Variants in NEDD4L observed in about 807,000 individuals in gnomAD.
The protein encoded by NEDD4L is NEDD4 like E3 ubiquitin protein ligase, also known as E3 ubiquitin-protein ligase NEDD4-like.
NEDD4L carries 54 observed loss-of-function variants against 148.9 expected under a neutral mutation model. The ratio of observed to expected loss-of-function variants is 0.36; its 90% confidence interval spans 0.29 to 0.45. NEDD4L has a LOEUF of 0.45. Ranked by LOEUF, NEDD4L falls within the 20% of genes least tolerant of loss-of-function variation. The probability of loss-of-function intolerance (pLI) is 1.00; values close to 1 mark genes in which losing one functional copy is unlikely to be tolerated. For synonymous variants in NEDD4L, 433 were observed against 440.7 expected, an observed-to-expected ratio of 0.98 and a Z score of 0.22; for missense variants, 856 against 1,233.8, an observed-to-expected ratio of 0.69 and a Z score of 4.59.
rs2050767604 is a variant in NEDD4L at position 58,400,264 on chromosome 18, G to T, written c.*3995G>T. 1 of 152,190 alleles carries T rather than the reference G, an allele frequency of 6.6e-6. No individual in the cohort carries two copies. The highest frequency in any genetic ancestry group is 1.5e-5 in the Non-Finnish European group (1 of 68,052). The allele number at this position is 152,190 out of a possible 1,614,324, so 9.4% of individuals were successfully genotyped here. A position where few individuals can be genotyped will look rare whatever the true frequency, so the allele number is the denominator to read the frequency against. On this transcript the variant is annotated 3_prime_UTR_variant, in exon 31 of 31. Coordinates refer to ENST00000400345, the MANE Select transcript of NEDD4L (RefSeq NM_001144967.3). ...CTACCTCTGTCATTCAGGCATTGGG[G>T]TACATCCTGATAAGTCGTGTCAGAA...
chr18:58,371,203 ATTTTTTTTTT>A (rs34960405), intron 23 of NEDD4L, among the ~76,000 whole-genome samples: 2 of 92,988 alleles, frequency 2.2e-5, no homozygotes, highest in South Asian at 4.1e-4. Context: ...TGCCTGGCTA[ATTTTTTTTTT>A]TTTTTTTTTT....
intron 2 of NEDD4L, among the ~76,000 whole-genome samples, chr18:58,184,415 C>T (rs896494703): frequency 6.6e-6 from 1 of 151,916 alleles, no homozygotes. Context: ...CTGAGATTAC[C>T]GAGAGGCCTT....
intron 2 of NEDD4L, among the ~76,000 whole-genome samples, chr18:58,218,548 G>T (rs892821356): frequency 6.6e-6 from 1 of 152,170 alleles, no homozygotes; most frequent in Admixed American, 6.5e-5. Context: ...GTCGTTGAGG[G>T]CTGTGGAAAG....
intron 2 of NEDD4L, among the ~76,000 whole-genome samples, chr18:58,173,982 C>A (rs890857872): frequency 6.6e-6 from 1 of 152,176 alleles, no homozygotes; most frequent in Non-Finnish European, 1.5e-5. Flanking sequence ...CTGGGGACCC[C>A]CAGCCAGCAA....
intron 17 of NEDD4L, among the ~76,000 whole-genome samples, chr18:58,350,136 A>G (rs192492481): frequency 1.6e-4 from 25 of 152,304 alleles, no homozygotes; most frequent in Admixed American, 2.6e-4. Context: ...AAACCTTCAC[A>G]TACATCCTCC....
At chr18:58,054,179 A>C (rs930229143) in intron 1 of NEDD4L, among the ~76,000 whole-genome samples, 1 of 152,224 alleles carries the variant, frequency 6.6e-6, no homozygotes, top group Non-Finnish European at 1.5e-5. Context: ...CTTAGTAAGC[A>C]CTCAGTACTA....
intron 24 of NEDD4L, among the ~76,000 whole-genome samples, chr18:58,379,945 C>G (rs1459950559): frequency 6.6e-6 from 1 of 152,040 alleles, no homozygotes; most frequent in Non-Finnish European, 1.5e-5. Flanking sequence ...CCTCTCCTCA[C>G]TCCCCCACAG....
At chr18:58,327,050 A>C (rs184768550) in intron 9 of NEDD4L, among the ~76,000 whole-genome samples, 43 of 152,338 alleles carry the variant, frequency 2.8e-4, no homozygotes, top group African/African-American at 9.9e-4. Context: ...AAACTAAAAC[A>C]AAAGGTATAA....
In NEDD4L at chr18:58,387,421, T is replaced by TC. The variant is rs2049184600; in HGVS notation, c.2488-18_2488-17insC. 6.9e-7 allele frequency: 1 copy of TC among 1,457,214 alleles called. No homozygotes were observed. Among genetic ancestry groups the TC allele is most frequent in the Non-Finnish European group, 9.1e-7 (1 of 1,097,514 alleles). 90.3% of individuals were successfully genotyped at this position (1,457,214 alleles called of 1,614,324 possible). A position where few individuals can be genotyped will look rare whatever the true frequency, so the allele number is the denominator to read the frequency against. On this transcript the variant is annotated splice_polypyrimidine_tract_variant and intron_variant, in intron 26 of 30. Transcript: ENST00000400345. ...TGAAGGCAATAGGTGTTTAAGATGT[T>TC]TTTTTTTTTTCTTTCAGGGATTCAC...
chr18:58,050,121 A>G (rs8092332), intron 1 of NEDD4L, among the ~76,000 whole-genome samples: 2,768 of 151,908 alleles, frequency 0.018, 80 homozygotes, highest in African/African-American at 0.063. Context: ...TGTTTATTTC[A>G]TTATTGAACA....
intron 2 of NEDD4L, among the ~76,000 whole-genome samples, chr18:58,221,067 C>T (rs1316209056): frequency 1.3e-5 from 2 of 152,158 alleles, no homozygotes; most frequent in Non-Finnish European, 2.9e-5. Context: ...TAGTTTGTAT[C>T]ATAGTTATTT....
At chr18:58,159,915 C>T (rs980125550) in intron 1 of NEDD4L, among the ~76,000 whole-genome samples, 2 of 152,140 alleles carry the variant, frequency 1.3e-5, no homozygotes, top group African/African-American at 4.8e-5. Flanking sequence ...AACTTATTGT[C>T]CGCTTGGACA....
At position 58,370,393 on chromosome 18, in the gene NEDD4L, T is replaced by G. The variant is rs1299947228; in HGVS notation, c.2186-4T>G. 3 of 1,596,578 alleles carry G rather than the reference T, an allele frequency of 1.9e-6. No individual in the cohort carries two copies. The highest frequency in any genetic ancestry group is 2.7e-5 in the African/African-American group (2 of 74,654). ...AACTAAACCCAGTGTTTACCGTGTT[T>G]TAGGTTTCTTCATTAGACCATTTTA... is the stretch of plus-strand genomic sequence containing the variant. On this transcript the variant is annotated splice_region_variant and splice_polypyrimidine_tract_variant and intron_variant, in intron 22 of 30. Transcript: ENST00000400345.
In NEDD4L at chr18:58,240,793, G is replaced by T. The variant is rs1358784367; in HGVS notation, c.123-4634G>T. Among the ~76,000 whole-genome samples the T allele has an allele frequency of 2.0e-5, 3 of 150,400 alleles. No homozygotes were observed. The South Asian group carries it at 6.4e-4, about 32-fold the overall frequency. ...TATTTAGACAACTCCACGATGAGGAGGATGATGGCGGCAGCTAACATTTAT... is the reference window on the plus strand; with the variant it reads ...TATTTAGACAACTCCACGATGAGGATGATGATGGCGGCAGCTAACATTTAT... On this transcript the variant is annotated intron_variant, in intron 2 of 30. Coordinates refer to ENST00000400345, the MANE Select transcript of NEDD4L (RefSeq NM_001144967.3).
At chr18:58,261,302 C>T (rs1332903778) in intron 5 of NEDD4L, among the ~76,000 whole-genome samples, 1 of 152,150 alleles carries the variant, frequency 6.6e-6, no homozygotes, top group Non-Finnish European at 1.5e-5. Flanking sequence ...TTTTGGCTTG[C>T]ATTTCTAGCA....
At position 58,256,095 on chromosome 18, in the gene NEDD4L, G is replaced by A; in HGVS notation, c.297+4041G>A. ...GAGCCCTCGCCGAGGGACACCCCCG[G>A]GAGCTCCCCTCCGAGGGCAGCCCGG... On this transcript the variant is annotated intron_variant, in intron 5 of 30. Transcript: ENST00000400345. The surrounding 1 kb of genome is among the most constrained non-coding windows in gnomAD (Gnocchi z 5.2). 8.1e-7 allele frequency: 1 copy of A among 1,227,744 alleles called. No individual in the cohort carries two copies. Among genetic ancestry groups the A allele is most frequent in the African/African-American group, 1.6e-5 (1 of 64,310 alleles). 76.1% of individuals were successfully genotyped at this position (1,227,744 alleles called of 1,614,324 possible).
chr18:58,127,561 C>A (rs1471361875), intron 1 of NEDD4L, among the ~76,000 whole-genome samples: 1 of 151,682 alleles, frequency 6.6e-6, no homozygotes, highest in African/African-American at 2.4e-5. Context: ...AAAAATCGGC[C>A]GGGTGCGGTG....
chr18:58,092,415 G>A (rs145930063), intron 1 of NEDD4L, among the ~76,000 whole-genome samples: 11 of 152,108 alleles, frequency 7.2e-5, no homozygotes, highest in East Asian at 1.9e-4. Context: ...GGGTGGAAGC[G>A]GTTCTCGGGC....
chr18:58,201,993 C>T, intron 2 of NEDD4L, among the ~76,000 whole-genome samples: 1 of 152,084 alleles, frequency 6.6e-6, no homozygotes, highest in East Asian at 1.9e-4. Flanking sequence ...CAAAAATAGC[C>T]CTGGGCATAT....
Sources: gnomAD v4.1 joint callset for allele counts (sites outside exome capture counted in the v4.1 genomes callset) on GRCh38, gnomAD v4.1.1 for gene constraint, Gnocchi (gnomAD v3.1) non-coding constraint, MANE v1.5 for transcripts, NCBI Gene and HGNC (gene_info 2026-07-23, HGNC 2026-07-21) for gene names.